Variants in GSTCD observed in about 807,000 individuals in gnomAD.
GSTCD encodes the protein glutathione S-transferase C-terminal domain containing.
A neutral mutation model predicts 68.3 loss-of-function variants in GSTCD; 44 were observed. That is an observed-to-expected ratio of 0.64 (90% CI 0.51 to 0.83). GSTCD has a LOEUF of 0.83. GSTCD is among the 40% of genes least tolerant of loss of function. GSTCD has a pLI of 0.00. For missense variants in GSTCD, 739 were observed against 735.9 expected, an observed-to-expected ratio of 1.00 and a Z score of -0.05; for synonymous variants, 273 against 255.2, an observed-to-expected ratio of 1.07 and a Z score of -0.67.
Position 105,791,861 on chromosome 4 carries a change from G to A in GSTCD, c.1241-31093G>A, listed in dbSNP as rs536720440. ...CTTTTAGCATGTTGGTAATTTTTTCGTAGCACTACTAGACCAAAGGAAATA... is the reference window on the plus strand; with the variant it reads ...CTTTTAGCATGTTGGTAATTTTTTCATAGCACTACTAGACCAAAGGAAATA... On this transcript the variant is annotated intron_variant, in intron 5 of 11. Transcript: ENST00000515279. Among the ~76,000 whole-genome samples, 15 of 152,014 alleles carry A rather than the reference G, an allele frequency of 9.9e-5. 1 individual carries two copies. The highest frequency in any genetic ancestry group is 1.6e-4 in the Non-Finnish European group (11 of 67,970).
chr4:105,781,629 A>G (rs1183802079), intron 5 of GSTCD, among the ~76,000 whole-genome samples: 3 of 152,114 alleles, frequency 2.0e-5, no homozygotes, highest in African/African-American at 7.2e-5. Flanking sequence ...TCTACGCAGA[A>G]CAGAAGTAGA....
intron 1 of GSTCD, among the ~76,000 whole-genome samples, chr4:105,713,792 TTTGCAGCAGTTA>T (rs1299966562): frequency 2.4e-4 from 36 of 151,874 alleles, no homozygotes; most frequent in Non-Finnish European, 5.9e-5. Context: ...AGGTTAATCA[TTTGCAGCAGTTA>T]TGCACTTTTT....
At chr4:105,789,967 C>A (rs1251535075) in intron 5 of GSTCD, among the ~76,000 whole-genome samples, 1 of 151,730 alleles carries the variant, frequency 6.6e-6, no homozygotes, top group Non-Finnish European at 1.5e-5. Context: ...ATAACCCTTA[C>A]TTTTTGAGAG....
chr4:105,832,973 GTT>G (rs1251159766), intron 8 of GSTCD, among the ~76,000 whole-genome samples: 1 of 152,194 alleles, frequency 6.6e-6, no homozygotes, highest in African/African-American at 2.4e-5. Flanking sequence ...TTCCTAGGCT[GTT>G]TTCAGAGTGA....
At chr4:105,722,744 T>G (rs1165482107) in intron 3 of GSTCD, among the ~76,000 whole-genome samples, 1 of 152,098 alleles carries the variant, frequency 6.6e-6, no homozygotes, top group African/African-American at 2.4e-5. Context: ...TGCTTTTTTT[T>G]TAAACCTTTG....
At chr4:105,735,066 C>T (rs1294673) in intron 5 of GSTCD, among the ~76,000 whole-genome samples, 93,148 of 152,094 alleles carry the variant, frequency 0.61, 33,957 homozygotes, top group East Asian at 0.9. Context: ...GGTACCCGGC[C>T]GTGTTAGGTG....
chr4:105,727,482 A>G (rs866309302), intron 4 of GSTCD, among the ~76,000 whole-genome samples: 1 of 151,418 alleles, frequency 6.6e-6, no homozygotes, highest in Admixed American at 6.6e-5. Context: ...CCGAGATTGT[A>G]CCGCTGTACT....
intron 4 of GSTCD, 139 bp downstream of exon 4, chr4:105,726,969 A>T (rs1733059060): frequency 3.0e-6 from 2 of 660,312 alleles, no homozygotes; most frequent in Non-Finnish European, 4.9e-6. Context: ...TTACCAGTTA[A>T]TATTTCTGCT....
intron 3 of GSTCD, among the ~76,000 whole-genome samples, chr4:105,726,297 G>A (rs1185233053): frequency 6.6e-6 from 1 of 152,122 alleles, no homozygotes; most frequent in Non-Finnish European, 1.5e-5. Flanking sequence ...CCATTTGTAT[G>A]AAATTCTAGA....
In GSTCD at chr4:105,841,273, G is replaced by A. The variant is rs549125854; in HGVS notation, c.1696-792G>A. Among the ~76,000 whole-genome samples the A allele has an allele frequency of 9.2e-5, 14 of 151,384 alleles. No homozygotes were observed. The East Asian group carries it at 9.8e-4, about 11-fold the overall frequency. On this transcript the variant is annotated intron_variant, in intron 10 of 11. Transcript: ENST00000515279. ...CAGGAGGCGGAGGTTGCAGTGAGCC[G>A]AGATTGTGCCACTGCACTGGAGCCT... is the stretch of plus-strand genomic sequence containing the variant.
At chr4:105,769,233 G>GCGCACACA (rs1553961423) in intron 5 of GSTCD, among the ~76,000 whole-genome samples, 1 of 146,230 alleles carries the variant, frequency 6.8e-6, no homozygotes, top group African/African-American at 2.5e-5. Context: ...ATACACGCGC[G>GCGCACACA]CACACACACA....
rs892714078 is a variant in GSTCD, at chr4:105,734,510, G to T, written c.1240+5011G>T. ...CTGAAGCTTGTGCATTCATCATGTAGTTCTCTTGCCATGGTTTTCAGCTCC... is the reference window on the plus strand; with the variant it reads ...CTGAAGCTTGTGCATTCATCATGTATTTCTCTTGCCATGGTTTTCAGCTCC... On this transcript the variant is annotated intron_variant, in intron 5 of 11. Coordinates refer to ENST00000515279, the MANE Select transcript of GSTCD (RefSeq NM_001370181.1). Among the ~76,000 whole-genome samples the T allele has an allele frequency of 4.6e-4, 70 of 152,096 alleles. 1 individual carries two copies. Among genetic ancestry groups the T allele is most frequent in the Middle Eastern group, 3.2e-3 (1 of 316 alleles).
At chr4:105,787,360 A>T (rs1334838188) in intron 5 of GSTCD, among the ~76,000 whole-genome samples, 1 of 152,086 alleles carries the variant, frequency 6.6e-6, no homozygotes, top group East Asian at 1.9e-4. Flanking sequence ...TTGGGTACTT[A>T]GATTGTTGTC....
intron 5 of GSTCD, among the ~76,000 whole-genome samples, chr4:105,802,482 A>G (rs1560836895): frequency 3.3e-5 from 5 of 151,916 alleles, no homozygotes; most frequent in Admixed American, 2.6e-4. Flanking sequence ...TTTGTTTGTT[A>G]TTTTTACCAT....
intron 5 of GSTCD, among the ~76,000 whole-genome samples, chr4:105,767,490 T>C (rs1194768788): frequency 1.4e-4 from 3 of 20,712 alleles, no homozygotes; most frequent in Non-Finnish European, 2.7e-4. Flanking sequence ...TGGTTTTCAA[T>C]GGTTTTATTA....
chr4:105,710,103 A>T (rs1019144314), intron 1 of GSTCD, among the ~76,000 whole-genome samples: 11 of 152,140 alleles, frequency 7.2e-5, no homozygotes, highest in Admixed American at 7.2e-4. Context: ...TTCAAAAATA[A>T]GACTGAAAAG....
At chr4:105,838,064 G>A (rs1425282613) in intron 10 of GSTCD, among the ~76,000 whole-genome samples, 175 bp downstream of exon 10, 2 of 152,126 alleles carry the variant, frequency 1.3e-5, no homozygotes, top group Non-Finnish European at 2.9e-5. Flanking sequence ...TCTTCAAGTA[G>A]GTAACAAGAT....
intron 4 of GSTCD, among the ~76,000 whole-genome samples, chr4:105,728,679 A>C (rs1369184333): frequency 3.8e-5 from 2 of 52,708 alleles, no homozygotes; most frequent in Non-Finnish European, 6.0e-5. Context: ...CTAGATATAG[A>C]TATATAGATA....
chr4:105,756,851 A>G (rs956872002), intron 5 of GSTCD, among the ~76,000 whole-genome samples: 5 of 152,092 alleles, frequency 3.3e-5, no homozygotes, highest in African/African-American at 1.2e-4. Flanking sequence ...GCATTGTGTA[A>G]TTTACAGTTA....
Sources: allele counts gnomAD v4.1 joint callset (sites outside exome capture counted in the v4.1 genomes callset), GRCh38; gene constraint gnomAD v4.1.1; transcripts MANE v1.5; gene names NCBI Gene and HGNC (gene_info 2026-07-23, HGNC 2026-07-21).